ABCA12: variants seen among roughly 807,000 people sequenced by gnomAD.
The protein encoded by ABCA12 is glucosylceramide transporter ABCA12.
A neutral mutation model predicts 293.5 loss-of-function variants in ABCA12; 156 were observed. The observed-to-expected ratio is 0.53, with a 90% CI of 0.47 to 0.61. ABCA12 has a LOEUF of 0.61. Among genes scored for constraint, ABCA12 ranks in the 20% least tolerant of loss-of-function variants. The pLI is 0.00. For synonymous variants in ABCA12, 1,063 were observed against 1,108.0 expected (o/e 0.96, Z 0.81); for missense variants, 2,797 against 3,090.2 (o/e 0.91, Z 2.25).
At chr2:214,969,488 A>G (rs796951968) in intron 37 of ABCA12, among the ~76,000 whole-genome samples, 14 of 152,212 alleles carry the variant, frequency 9.2e-5, no homozygotes, top group African/African-American at 3.4e-4. Context: ...CTATAGAGCT[A>G]TATATTTTTG....
chr2:215,036,218 AC>A (rs1405227132), intron 8 of ABCA12, among the ~76,000 whole-genome samples: 1 of 152,226 alleles, frequency 6.6e-6, no homozygotes. Flanking sequence ...CAAAGCCTTC[AC>A]AGGCATGCTT....
chr2:215,014,644 G>A (rs190005462), intron 15 of ABCA12, among the ~76,000 whole-genome samples: 1 of 152,286 alleles, frequency 6.6e-6, no homozygotes, highest in East Asian at 1.9e-4. Flanking sequence ...GAGGGTAGGT[G>A]TGGAAGCAAG....
rs2106002625 is a variant in ABCA12 at position 215,011,953 on chromosome 2, A to G, written c.2121+18T>C. ...GAAGGCATTTTTCAACAAGAACATT[A>G]CTGGGTGACTTTGCTACCTGTGTTA... On this transcript the variant is annotated intron_variant, in intron 16 of 52. Coordinates refer to ENST00000272895, the MANE Select transcript of ABCA12 (RefSeq NM_173076.3). 1 of 1,612,828 alleles carries G rather than the reference A, an allele frequency of 6.2e-7. No homozygotes were observed. Among genetic ancestry groups the G allele is most frequent in the Non-Finnish European group, 8.5e-7 (1 of 1,179,484 alleles).
chr2:214,969,840 G>T (rs1176356356), intron 37 of ABCA12, among the ~76,000 whole-genome samples: 1 of 151,992 alleles, frequency 6.6e-6, no homozygotes, highest in Non-Finnish European at 1.5e-5. Context: ...TGCTTGGGTG[G>T]CTTAAGTACA....
intron 2 of ABCA12, among the ~76,000 whole-genome samples, chr2:215,076,146 T>A (rs1701829087): frequency 6.6e-6 from 1 of 152,224 alleles, no homozygotes; most frequent in South Asian, 2.1e-4. Flanking sequence ...ACTTGACTTT[T>A]TTCCTCAACC....
chr2:215,019,686 T>A lies in ABCA12; in HGVS notation c.1398A>T (p.Glu466Asp), dbSNP rs774923751. Residue 466 changes from glutamate to aspartate, a missense_variant, in exon 12 of 53, where the codon GAA (glutamate) becomes GAT (aspartate). Transcript: ENST00000272895. ...CGAGGAGTTGCAGATCAAACTCACT[T>A]TCTTCACACAGGCTCCCAAAGCTCA... The part of the protein sequence containing the change: ...SDMSFGSLCE[E>D]SEFDLQLLEA... The A allele has an allele frequency of 1.4e-5, 23 of 1,614,160 alleles. No individual in the cohort carries two copies. Among genetic ancestry groups the A allele is most frequent in the Non-Finnish European group, 1.9e-5 (23 of 1,180,018 alleles).
At position 215,046,509 on chromosome 2, in the gene ABCA12, G is replaced by A. The variant is rs1044608085; in HGVS notation, c.694-494C>T. On this transcript the variant is annotated intron_variant, in intron 6 of 52. Transcript: ENST00000272895. Reference sequence around the variant, plus strand: ...AATATAATATAATATATATAAGAGCGTGTGTGTGTGTATATATATATATAC... The same window carrying A: ...AATATAATATAATATATATAAGAGCATGTGTGTGTGTATATATATATATAC... Among the ~76,000 whole-genome samples the A allele has an allele frequency of 3.0e-4, 44 of 146,156 alleles. No individual in the cohort carries two copies. In the East Asian group the frequency reaches 3.3e-3, roughly 11 times the overall value.
rs1432251751 is a variant in ABCA12 at position 215,094,771 on chromosome 2, C to T, written c.163+16826G>A. 8.2e-4 allele frequency among the ~76,000 whole-genome samples: 124 copies of T among 152,096 alleles called. 3 individuals carry two copies. Among genetic ancestry groups the T allele is most frequent in the Admixed American group, 7.8e-3 (119 of 15,256 alleles). On this transcript the variant is annotated intron_variant, in intron 2 of 52. Coordinates refer to ENST00000272895, the MANE Select transcript of ABCA12 (RefSeq NM_173076.3). ...TTCTAATACACCATAAAAATCGAAC[C>T]GCCCCCTCTACCCAGTTGCCCCATC...
intron 15 of ABCA12, among the ~76,000 whole-genome samples, chr2:215,014,969 T>G (rs1461368234): frequency 6.6e-6 from 1 of 152,208 alleles, no homozygotes; most frequent in Admixed American, 6.5e-5. Context: ...ATGAAGTCAA[T>G]GCTGACTTTA....
chr2:215,055,468 T>C (rs1370586665), intron 3 of ABCA12, among the ~76,000 whole-genome samples: 2 of 152,054 alleles, frequency 1.3e-5, no homozygotes, highest in African/African-American at 2.4e-5. Flanking sequence ...CTAAAATAAG[T>C]ATGTATGTTT....
At chr2:215,022,071 A>G (rs1700641671) in intron 11 of ABCA12, 1 of 152,158 alleles carries the variant, frequency 6.6e-6, no homozygotes. Context: ...AAGCCTCTAT[A>G]TTACATTCTC....
In ABCA12 at chr2:214,987,710, G is replaced by C; in HGVS notation, c.3913C>G (p.Pro1305Ala). ...AACATGAGGCCATTGCTCTTCTCAG[G>C]CTTCACCTCTGCACACCCAAATCGC... Reference protein sequence around the residue: ...KERFGCAEVKPEKSNGLMFTN... With the variant: ...KERFGCAEVKAEKSNGLMFTN... The change falls in exon 27 of 53, where the codon CCT (proline) becomes GCT (alanine). Residue 1305 changes from proline (P) to alanine (A), a missense_variant. Around this residue, in one of 3 missense-constraint regions of ABCA12, gnomAD observed 2,130 missense variants for 2,427.0 expected, o/e 0.88. Coordinates refer to ENST00000272895, the MANE Select transcript of ABCA12 (RefSeq NM_173076.3). The C allele has an allele frequency of 6.2e-7, 1 of 1,614,064 alleles. No homozygotes were observed. The highest frequency in any genetic ancestry group is 1.3e-5 in the African/African-American group (1 of 75,038).
At position 214,950,875 on chromosome 2, in the gene ABCA12, TTACCTC is replaced by T. The variant is rs1439436520; in HGVS notation, c.6850_6852+3del. On this transcript the variant is annotated splice_donor_variant and splice_donor_region_variant and coding_sequence_variant and intron_variant, in exon 45 of 53. Transcript: ENST00000272895. LOFTEE classifies it high-confidence loss of function. ...ACAGTTAGAAACAAAACACAGTTTC[TTACCTC>T]TCCAGCAGGTATCCCAATGCTGATG... The T allele has an allele frequency of 6.2e-7, 1 of 1,613,428 alleles. No homozygotes were observed. Among genetic ancestry groups the T allele is most frequent in the East Asian group, 2.2e-5 (1 of 44,866 alleles).
chr2:215,037,896 C>A (rs887949048), intron 7 of ABCA12, among the ~76,000 whole-genome samples: 2 of 152,062 alleles, frequency 1.3e-5, no homozygotes, highest in African/African-American at 4.8e-5. Flanking sequence ...AAGTAGTAGG[C>A]TTTTGTTAAA....
At chr2:214,936,609 A>G (rs1698226805) in intron 51 of ABCA12, among the ~76,000 whole-genome samples, 1 of 152,226 alleles carries the variant, frequency 6.6e-6, no homozygotes, top group African/African-American at 2.4e-5. Context: ...GGGCTATGTT[A>G]GGTATATATG....
intron 2 of ABCA12, among the ~76,000 whole-genome samples, chr2:215,074,954 T>TAA (rs1701806772): frequency 1.3e-5 from 2 of 150,902 alleles, no homozygotes; most frequent in Admixed American, 1.3e-4. Flanking sequence ...AAAATAAAAA[T>TAA]AAAAATAAAT....
At chr2:215,067,341 A>C (rs1260168264) in intron 2 of ABCA12, among the ~76,000 whole-genome samples, 1 of 152,154 alleles carries the variant, frequency 6.6e-6, no homozygotes, top group Non-Finnish European at 1.5e-5. Context: ...TAAAGCTAAT[A>C]ATTGAGTGTC....
At chr2:214,945,230 T>G (rs1394014267) in intron 48 of ABCA12, 126 bp from the exon 49 acceptor site, 3 of 757,934 alleles carry the variant, frequency 4.0e-6, no homozygotes, top group African/African-American at 3.5e-5. Flanking sequence ...ACTAACTTGT[T>G]TTATACTTAA....
intron 33 of ABCA12, 22 bp downstream of exon 33, chr2:214,978,294 A>T: frequency 6.2e-7 from 1 of 1,613,784 alleles, no homozygotes; most frequent in Non-Finnish European, 8.5e-7. Context: ...AATTAAACAA[A>T]ATATCCACAT....
Sources: allele counts gnomAD v4.1 joint callset (sites outside exome capture counted in the v4.1 genomes callset), GRCh38; gene constraint gnomAD v4.1.1; regional missense constraint gnomAD v4.1.1; transcripts MANE v1.5; gene names NCBI Gene and HGNC (gene_info 2026-07-23, HGNC 2026-07-21).